Variants in JMJD1C observed in about 807,000 individuals in gnomAD.
JMJD1C encodes jumonji domain-containing protein 1C.
A neutral mutation model predicts 245.3 loss-of-function variants in JMJD1C; 31 were observed. The observed-to-expected ratio is 0.13, with a 90% CI of 0.09 to 0.17. The LOEUF (loss-of-function observed/expected upper bound fraction) is 0.17. Ranked by LOEUF, JMJD1C falls within the 10% of genes least tolerant of loss-of-function variation. The pLI, the probability that JMJD1C is intolerant of heterozygous loss-of-function variation, is 1.00. For missense variants in JMJD1C, 2,691 were observed against 3,000.2 expected, an observed-to-expected ratio of 0.90 and a Z score of 2.41; for synonymous variants, 1,057 against 1,017.4, an observed-to-expected ratio of 1.04 and a Z score of -0.74.
intron 1 of JMJD1C, among the ~76,000 whole-genome samples, chr10:63,422,814 G>A (rs537643602): frequency 5.3e-5 from 8 of 152,292 alleles, no homozygotes; most frequent in African/African-American, 1.9e-4. Flanking sequence ...GGGCAGTTTA[G>A]TGAAAAGGTA....
In JMJD1C at chr10:63,264,717, T is replaced by C. The variant is rs1346112475; in HGVS notation, c.381A>G (p.Ala127=). 1.2e-6 allele frequency: 2 copies of C among 1,601,942 alleles called. No individual in the cohort carries two copies. Among genetic ancestry groups the C allele is most frequent in the Non-Finnish European group, 1.7e-6 (2 of 1,173,676 alleles). The change falls in exon 3 of 26, where the codon GCA becomes GCG. Residue 127 remains alanine (A), a synonymous_variant. Transcript: ENST00000399262. ...VERNIPSSVT[A]VEFLVDKQLD... ...GTTGCTTATCTACAAGGAATTCTAC[T>C]GCAGTGACTGAACTGGGTATATTTC...
At chr10:63,432,075 G>C (rs775790965) in intron 1 of JMJD1C, among the ~76,000 whole-genome samples, 3 of 152,164 alleles carry the variant, frequency 2.0e-5, no homozygotes, top group African/African-American at 4.8e-5. Flanking sequence ...GTTGTTTCAA[G>C]AAGTTCCAGA....
chr10:63,412,298 GAAGT>G (rs2132671058), intron 1 of JMJD1C, among the ~76,000 whole-genome samples: 1 of 152,128 alleles, frequency 6.6e-6, no homozygotes, highest in South Asian at 2.1e-4. Context: ...GTAAGCTAGA[GAAGT>G]TATTATGAGC....
chr10:63,317,813 T>C (rs1940288484), intron 2 of JMJD1C, among the ~76,000 whole-genome samples: 1 of 152,160 alleles, frequency 6.6e-6, no homozygotes, highest in Admixed American at 6.6e-5. Context: ...TCATTTTGCA[T>C]TGTTTCTATT....
chr10:63,412,973 G>A (rs542614780), intron 1 of JMJD1C, among the ~76,000 whole-genome samples: 3 of 152,208 alleles, frequency 2.0e-5, no homozygotes, highest in East Asian at 1.9e-4. Context: ...TAGTGTATAC[G>A]AGGGATGATA....
intron 2 of JMJD1C, among the ~76,000 whole-genome samples, chr10:63,287,587 A>G (rs972941144): frequency 1.3e-5 from 2 of 152,238 alleles, no homozygotes; most frequent in Non-Finnish European, 2.9e-5. Context: ...TAAAACCTTC[A>G]TTATACTTTA....
chr10:63,349,100 C>CAAA (rs71463516), intron 2 of JMJD1C, among the ~76,000 whole-genome samples: 5,539 of 34,798 alleles, frequency 0.16, 1,639 homozygotes, highest in South Asian at 0.26. Context: ...GACTCTGTCT[C>CAAA]AAAAAAAAAA....
chr10:63,184,735 G>A lies in JMJD1C; in HGVS notation c.6834C>T (p.Tyr2278=), dbSNP rs140575344. 2.6e-4 allele frequency: 411 copies of A among 1,602,524 alleles called. 6 individuals carry two copies. In the South Asian group the frequency reaches 3.7e-3, roughly 14 times the overall value. The part of the protein sequence containing the change: ...EDFKTMMPAR[Y]EDLLKSLPLP... ...ATGGCAGACTTTTTAAAAGATCTTC[G>A]TATCTGAAGAAAAACAACATTGCCT... Residue 2278 remains tyrosine (Y), a synonymous_variant, in exon 21 of 26, where the codon TAC becomes TAT. Transcript: ENST00000399262.
chr10:63,190,097 C>G (rs190131919), intron 17 of JMJD1C, among the ~76,000 whole-genome samples: 2 of 151,630 alleles, frequency 1.3e-5, no homozygotes, highest in African/African-American at 4.9e-5. Flanking sequence ...AGGGTTTCAC[C>G]ATGTTGTTGG....
At chr10:63,503,630 C>A (rs1383345428) in intron 1 of JMJD1C, among the ~76,000 whole-genome samples, 2 of 152,174 alleles carry the variant, frequency 1.3e-5, no homozygotes, top group Non-Finnish European at 2.9e-5. Flanking sequence ...TTCCTACGGG[C>A]AAGCCTAATA....
chr10:63,275,385 A>G (rs1181350952), intron 2 of JMJD1C, among the ~76,000 whole-genome samples: 1 of 152,252 alleles, frequency 6.6e-6, no homozygotes, highest in East Asian at 1.9e-4. Flanking sequence ...ACAAAGTACA[A>G]AGGAAAAGAA....
intron 1 of JMJD1C, among the ~76,000 whole-genome samples, chr10:63,476,129 G>C (rs893449545): frequency 6.6e-6 from 1 of 151,864 alleles, no homozygotes; most frequent in African/African-American, 2.4e-5. Flanking sequence ...AGAATTCCTT[G>C]AGCCTGGGAG....
intron 2 of JMJD1C, among the ~76,000 whole-genome samples, chr10:63,332,340 C>T (rs964800688): frequency 2.0e-5 from 3 of 152,204 alleles, no homozygotes; most frequent in African/African-American, 7.2e-5. Flanking sequence ...TAATATGATG[C>T]ACCAACTCTA....
intron 3 of JMJD1C, among the ~76,000 whole-genome samples, chr10:63,224,170 A>C (rs1848972433): frequency 6.6e-6 from 1 of 152,216 alleles, no homozygotes; most frequent in African/African-American, 2.4e-5. Flanking sequence ...ACCATTAAAA[A>C]CTGTTAAATT....
chr10:63,427,402 A>G, intron 1 of JMJD1C: 1 of 1,098,610 alleles, frequency 9.1e-7, no homozygotes, highest in Non-Finnish European at 1.3e-6. Context: ...ACATGTCTTG[A>G]CGGAAGACAC....
intron 1 of JMJD1C, among the ~76,000 whole-genome samples, chr10:63,472,790 T>C (rs1355555571): frequency 1.3e-5 from 2 of 152,222 alleles, no homozygotes; most frequent in Non-Finnish European, 2.9e-5. Context: ...TTTTTATTTA[T>C]TTATTTATTT....
chr10:63,404,799 T>C (rs965041416), intron 1 of JMJD1C, among the ~76,000 whole-genome samples: 6 of 152,132 alleles, frequency 3.9e-5, no homozygotes, highest in Admixed American at 3.9e-4. Context: ...AACTTATAAA[T>C]ATGTAACAAA....
intron 2 of JMJD1C, among the ~76,000 whole-genome samples, chr10:63,286,772 T>A (rs1452321680): frequency 6.6e-6 from 1 of 152,190 alleles, no homozygotes; most frequent in East Asian, 1.9e-4. Context: ...ATCAAGCAGC[T>A]AAATCAGCAC....
At chr10:63,433,369 T>TAC in intron 1 of JMJD1C, among the ~76,000 whole-genome samples, 1 of 152,280 alleles carries the variant, frequency 6.6e-6, no homozygotes, top group Non-Finnish European at 1.5e-5. Context: ...GTGCTGGGAT[T>TAC]ACAGGCTTGT....
Sources: allele counts gnomAD v4.1 joint callset (sites outside exome capture counted in the v4.1 genomes callset), GRCh38; gene constraint gnomAD v4.1.1; transcripts MANE v1.5; gene names NCBI Gene and HGNC (gene_info 2026-07-23, HGNC 2026-07-21).